Variants in ITGB3 observed in about 807,000 individuals in gnomAD.
ITGB3 encodes integrin subunit beta 3.
A neutral mutation model predicts 85.8 loss-of-function variants in ITGB3; 48 were observed. That is an observed-to-expected ratio of 0.56 (90% CI 0.44 to 0.71). The LOEUF (loss-of-function observed/expected upper bound fraction) is 0.71, where lower values mean the gene tolerates loss of function less well. ITGB3 is among the 30% of genes least tolerant of loss of function. The pLI is 0.00. For missense variants in ITGB3, 861 were observed against 1,019.1 expected, an observed-to-expected ratio of 0.84 and a Z score of 2.11; for synonymous variants, 363 against 395.6, an observed-to-expected ratio of 0.92 and a Z score of 0.98.
At chr17:47,272,815 C>T (rs2065050478) in intron 1 of ITGB3, among the ~76,000 whole-genome samples, 1 of 150,992 alleles carries the variant, frequency 6.6e-6, no homozygotes, top group Admixed American at 6.6e-5. Context: ...ACTGTGTCAC[C>T]CAGGCTGGAG....
chr17:47,255,594 G>T (rs1423902061), intron 1 of ITGB3, among the ~76,000 whole-genome samples: 1 of 152,004 alleles, frequency 6.6e-6, no homozygotes, highest in Non-Finnish European at 1.5e-5. Flanking sequence ...ACTAATTTTT[G>T]TATTTTTAGT....
intron 14 of ITGB3, 39 bp from the exon 15 acceptor site, chr17:47,310,100 A>G (rs944766253): frequency 5.7e-6 from 9 of 1,575,424 alleles, no homozygotes; most frequent in Non-Finnish European, 7.9e-6. Context: ...GAAGGACTTA[A>G]GGAAGTCACT....
In ITGB3 at chr17:47,271,621, C is replaced by T. The variant is rs574035468; in HGVS notation, c.80-2798C>T. Among the ~76,000 whole-genome samples, 513 of 152,270 alleles carry T rather than the reference C, an allele frequency of 3.4e-3. 3 individuals carry two copies. Among genetic ancestry groups the T allele is most frequent in the African/African-American group, 0.012 (491 of 41,540 alleles). On this transcript the variant is annotated intron_variant, in intron 1 of 14. Transcript: ENST00000559488. Reference sequence around the variant, plus strand: ...TTGGATAAGAATAATATACATTGTTCTCTTATCTAAATAATTTACCTTGCA... The same window carrying T: ...TTGGATAAGAATAATATACATTGTTTTCTTATCTAAATAATTTACCTTGCA...
intron 2 of ITGB3, among the ~76,000 whole-genome samples, chr17:47,282,739 T>C (rs2065088274): frequency 6.6e-6 from 1 of 152,222 alleles, no homozygotes; most frequent in Non-Finnish European, 1.5e-5. Flanking sequence ...GCTTCCAAAC[T>C]GTTTTGACTC....
At chr17:47,278,578 C>T (rs918103838) in intron 2 of ITGB3, among the ~76,000 whole-genome samples, 117 of 138,790 alleles carry the variant, frequency 8.4e-4, no homozygotes, top group African/African-American at 2.8e-3. Context: ...AGCGAAACTC[C>T]ATCTAAAAAA....
intron 13 of ITGB3, among the ~76,000 whole-genome samples, chr17:47,304,537 T>C (rs2065179998): frequency 6.6e-6 from 1 of 152,230 alleles, no homozygotes; most frequent in South Asian, 2.1e-4. Flanking sequence ...ACAATGATAG[T>C]AAAAAATAAT....
chr17:47,269,640 A>C (rs1166090966), intron 1 of ITGB3, among the ~76,000 whole-genome samples: 1 of 152,192 alleles, frequency 6.6e-6, no homozygotes, highest in Non-Finnish European at 1.5e-5. Context: ...GTCTCTAGGA[A>C]GTTCCAAACT....
intron 1 of ITGB3, among the ~76,000 whole-genome samples, chr17:47,272,700 CTTCTTTCT>C (rs143829232): frequency 3.1e-4 from 43 of 139,722 alleles, no homozygotes; most frequent in African/African-American, 6.0e-4. Flanking sequence ...TCTTTCTTTC[CTTCTTTCT>C]TTCTTTCTTT....
chr17:47,285,212 T>C (rs1218941842), intron 4 of ITGB3, among the ~76,000 whole-genome samples: 1 of 152,242 alleles, frequency 6.6e-6, no homozygotes, highest in Non-Finnish European at 1.5e-5. Context: ...GGCTTAAAAC[T>C]GAATGGCTTA....
intron 2 of ITGB3, among the ~76,000 whole-genome samples, chr17:47,278,645 G>C (rs1435805855): frequency 1.3e-5 from 2 of 152,084 alleles, no homozygotes; most frequent in Non-Finnish European, 1.5e-5. Context: ...CTAAAGCAGG[G>C]GCTCCAATTC....
intron 1 of ITGB3, among the ~76,000 whole-genome samples, chr17:47,268,117 G>C (rs919760716): frequency 6.6e-6 from 1 of 152,156 alleles, no homozygotes; most frequent in Non-Finnish European, 1.5e-5. Context: ...CATGAGAACA[G>C]CAGCATGGAG....
intron 1 of ITGB3, among the ~76,000 whole-genome samples, chr17:47,264,547 G>A (rs1362304909): frequency 6.6e-6 from 1 of 152,010 alleles, no homozygotes; most frequent in Non-Finnish European, 1.5e-5. Flanking sequence ...GCTCACCTCT[G>A]CTCAGATTCC....
chr17:47,278,033 T>C (rs919179697), intron 2 of ITGB3, among the ~76,000 whole-genome samples: 1 of 152,240 alleles, frequency 6.6e-6, no homozygotes. Flanking sequence ...AGTGCTCCTC[T>C]TCTTGTAAAC....
chr17:47,308,901 C>G (rs1247502970), intron 14 of ITGB3, among the ~76,000 whole-genome samples: 1 of 152,032 alleles, frequency 6.6e-6, no homozygotes, highest in African/African-American at 2.4e-5. Flanking sequence ...GATAACATGA[C>G]AGTTTGTGGA....
Position 47,313,540 on chromosome 17 carries a change from G to C in ITGB3, c.*3336G>C, listed in dbSNP as rs1300248654. ...TTCTTTTTGTATTTTTAGTAGAGAC[G>C]GGGTTTCACGGTGTTAGCCAGGAAG... On this transcript the variant is annotated 3_prime_UTR_variant, in exon 15 of 15. Coordinates refer to ENST00000559488, the MANE Select transcript of ITGB3 (RefSeq NM_000212.3). Among the ~76,000 whole-genome samples, 2 of 151,662 alleles carry C rather than the reference G, an allele frequency of 1.3e-5. No homozygotes were observed. Among genetic ancestry groups the C allele is most frequent in the African/African-American group, 4.8e-5 (2 of 41,240 alleles).
chr17:47,283,298 T>C (rs2065090194), intron 2 of ITGB3, 56 bp from the exon 3 acceptor site: 1 of 1,561,098 alleles, frequency 6.4e-7, no homozygotes, highest in East Asian at 2.2e-5. Context: ...CTGCAGGAGG[T>C]AGAGAGTCGC....
Position 47,263,784 on chromosome 17 carries a change from C to T in ITGB3, c.79+9844C>T, listed in dbSNP as rs116163023. Among the ~76,000 whole-genome samples the T allele has an allele frequency of 3.2e-3, 486 of 152,294 alleles. 1 individual carries two copies. Among genetic ancestry groups the T allele is most frequent in the African/African-American group, 9.4e-3 (389 of 41,570 alleles). On this transcript the variant is annotated intron_variant, in intron 1 of 14. Transcript: ENST00000559488. ...AGATTACAGTGTTAGCCACCATGCC[C>T]GGCCTATCCTGCTTTATTTTCTTAC...
intron 10 of ITGB3, among the ~76,000 whole-genome samples, chr17:47,298,233 G>A (rs1014541285): frequency 6.6e-6 from 1 of 152,234 alleles, no homozygotes; most frequent in East Asian, 1.9e-4. Flanking sequence ...ATCGGGCTAC[G>A]TGAGGTCATT....
At chr17:47,297,366 G>A (rs1189870300) in intron 10 of ITGB3, among the ~76,000 whole-genome samples, 3 of 152,116 alleles carry the variant, frequency 2.0e-5, no homozygotes, top group African/African-American at 4.8e-5. Context: ...AAGAACTTGC[G>A]GCTGGGCATG....
Sources: allele counts gnomAD v4.1 joint callset (sites outside exome capture counted in the v4.1 genomes callset), GRCh38; gene constraint gnomAD v4.1.1; transcripts MANE v1.5; gene names NCBI Gene and HGNC (gene_info 2026-07-23, HGNC 2026-07-21).